Variants in PROSER3 observed in about 807,000 individuals in gnomAD.
PROSER3 encodes the protein proline and serine-rich protein 3.
PROSER3 carries 33 observed loss-of-function variants against 50.2 expected under a neutral mutation model. The ratio of observed to expected loss-of-function variants is 0.66; its 90% confidence interval spans 0.50 to 0.88. The LOEUF (loss-of-function observed/expected upper bound fraction) is 0.88. Among genes scored for constraint, PROSER3 ranks in the 40% least tolerant of loss-of-function variants. PROSER3 has a pLI of 0.00. For synonymous variants in PROSER3, 266 were observed against 259.3 expected, an observed-to-expected ratio of 1.03 and a Z score of -0.25; for missense variants, 623 against 612.7, an observed-to-expected ratio of 1.02 and a Z score of -0.18.
At chr19:35,763,748 C>T (rs549485393) in intron 5 of PROSER3, among the ~76,000 whole-genome samples, 113 of 151,220 alleles carry the variant, frequency 7.5e-4, no homozygotes, top group African/African-American at 2.4e-3. Context: ...CCTTGTGATC[C>T]ACCCACCTCG....
At chr19:35,762,830 A>C (rs1002124267) in intron 5 of PROSER3, 1 of 152,052 alleles carries the variant, frequency 6.6e-6, no homozygotes, top group African/African-American at 2.4e-5. Context: ...TCAGGAGTTC[A>C]GGACCAGCCT....
At chr19:35,758,179 G>A (rs1484133491) in exon 1 of PROSER3, 3 of 1,553,314 alleles carry the variant, frequency 1.9e-6, no homozygotes, top group Admixed American at 3.9e-5. Flanking sequence ...GTTGGGTGAA[G>A]GAGCAGAGCG....
At chr19:35,770,493 A>T (rs1971297561), downstream of PROSER3, among the ~76,000 whole-genome samples, 1 of 152,192 alleles carries the variant, frequency 6.6e-6, no homozygotes, top group Admixed American at 6.6e-5. Flanking sequence ...CAAGAGGCAG[A>T]GTCTATGTCC....
At chr19:35,764,067 C>T (rs1337911656) in intron 5 of PROSER3, among the ~76,000 whole-genome samples, 3 of 151,154 alleles carry the variant, frequency 2.0e-5, no homozygotes, top group African/African-American at 4.9e-5. Context: ...GGATTGCAGG[C>T]GTGAGCCACC....
rs545067902 is a variant in PROSER3, at chr19:35,762,442, C to T, written c.543+86C>T. On this transcript the variant is annotated intron_variant, in intron 5 of 10. Coordinates refer to ENST00000396908, the Ensembl canonical transcript of PROSER3. ...AGAATTAGAAGATCAGGAGCAGTGGCTCACACCTGTAATCCCAGCACTTTG... is the reference window on the plus strand; with the variant it reads ...AGAATTAGAAGATCAGGAGCAGTGGTTCACACCTGTAATCCCAGCACTTTG... The T allele has an allele frequency of 3.1e-5, 40 of 1,279,748 alleles. 1 individual carries two copies. In the South Asian group the frequency reaches 5.2e-4, roughly 17 times the overall value. 79.3% of individuals were successfully genotyped at this position (1,279,748 alleles called of 1,614,324 possible). A position where few individuals can be genotyped will look rare whatever the true frequency, so the allele number is the denominator to read the frequency against.
chr19:35,762,639 T>C (rs1970996985), intron 5 of PROSER3: 5 of 352,206 alleles, frequency 1.4e-5, no homozygotes, highest in African/African-American at 2.2e-5. Flanking sequence ...GGCTGGAGGA[T>C]GGCTTGAGCC....
chr19:35,769,216 T>TCTAC (rs2146644062), downstream of PROSER3: 1 of 152,288 alleles, frequency 6.6e-6, no homozygotes, highest in East Asian at 1.9e-4. Flanking sequence ...CATTACCATT[T>TCTAC]CTACCCAAGG....
downstream of PROSER3, among the ~76,000 whole-genome samples, chr19:35,770,141 G>T (rs946212919): frequency 3.6e-4 from 54 of 152,068 alleles, no homozygotes; most frequent in African/African-American, 1.3e-3. Context: ...ATGACCTCGT[G>T]ATCCTCCTGC....
At chr19:35,758,264 G>A in intron 1 of PROSER3, 38 bp downstream of exon 1, 1 of 1,556,670 alleles carries the variant, frequency 6.4e-7, no homozygotes, top group Non-Finnish European at 8.7e-7. Context: ...ACAGGAGGCT[G>A]GGGAGGACCA....
At chr19:35,765,055 C>T in exon 7 of PROSER3, 1 of 1,613,924 alleles carries the variant, frequency 6.2e-7, no homozygotes. Context: ...TCTCCTCCTC[C>T]TCCTCCCTCA....
At chr19:35,759,425 T>C (rs778339753) in exon 2 of PROSER3, 1 of 1,613,340 alleles carries the variant, frequency 6.2e-7, no homozygotes, top group South Asian at 1.1e-5. Context: ...CGCCCCTGGG[T>C]CGAAGCCACT....
intron 5 of PROSER3, among the ~76,000 whole-genome samples, chr19:35,763,253 G>A (rs1272428890): frequency 2.0e-5 from 3 of 151,390 alleles, no homozygotes; most frequent in Admixed American, 2.0e-4. Context: ...CCAGGCTGGG[G>A]TACAGTGGCG....
chr19:35,766,776 G>A, exon 8 of PROSER3: 2 of 1,548,046 alleles, frequency 1.3e-6, no homozygotes, highest in Non-Finnish European at 1.7e-6. Context: ...AGCATCCCCG[G>A]CACCAGCCCA....
chr19:35,762,730 TAAAA>T (rs35934536), intron 5 of PROSER3: 3 of 100,708 alleles, frequency 3.0e-5, no homozygotes, highest in Admixed American at 1.1e-4. Context: ...TGTCTCTATT[TAAAA>T]AAAAAAAAAA....
intron 1 of PROSER3, 93 bp from the exon 2 acceptor site, chr19:35,759,281 T>C (rs989468727): frequency 7.5e-6 from 7 of 939,286 alleles, no homozygotes; most frequent in African/African-American, 6.6e-5. Context: ...CAGGAATCTA[T>C]GGGAATTGTC....
At chr19:35,761,758 G>A (rs1970958426) in intron 3 of PROSER3, among the ~76,000 whole-genome samples, 1 of 152,122 alleles carries the variant, frequency 6.6e-6, no homozygotes, top group African/African-American at 2.4e-5. Context: ...CTACCCAGGA[G>A]GCTGAGGAGA....
At chr19:35,766,985 G>A in intron 8 of PROSER3, 30 bp downstream of exon 8, 5 of 1,531,698 alleles carry the variant, frequency 3.3e-6, no homozygotes, top group East Asian at 2.5e-5. Context: ...AGCCTGGGGG[G>A]AGCTGGAGGA....
chr19:35,765,185 T>C lies in PROSER3; in HGVS notation c.769+9T>C. On this transcript the variant is annotated intron_variant, in intron 7 of 10. Coordinates refer to ENST00000396908, the Ensembl canonical transcript of PROSER3. ...TGGCCCCAGGGCACCCGGTAAGGGC[T>C]GAGAGGCAAAGACTGAGGGCAGCCT... The C allele has an allele frequency of 6.2e-7, 1 of 1,612,248 alleles. No individual in the cohort carries two copies.
In PROSER3 at chr19:35,763,505, C is replaced by CTT. The variant is rs1314409508; in HGVS notation, c.543+1164_543+1165dup. On this transcript the variant is annotated intron_variant, in intron 5 of 10. Transcript: ENST00000396908. ...ATAGGCGTGAACCACCAAGCCCGGC[C>CTT]TTTTTTTTTTTTTTTTGAGACGGAG... Among the ~76,000 whole-genome samples the CTT allele has an allele frequency of 6.3e-3, 864 of 136,692 alleles. 18 individuals carry two copies. The highest frequency in any genetic ancestry group is 0.021 in the African/African-American group (761 of 36,382). The allele number at this position is 136,692 out of a possible 152,430, so 89.7% of individuals were successfully genotyped here. A position where few individuals can be genotyped will look rare whatever the true frequency, so the allele number is the denominator to read the frequency against.
Sources: allele counts gnomAD v4.1 joint callset (sites outside exome capture counted in the v4.1 genomes callset), GRCh38; gene constraint gnomAD v4.1.1; transcripts MANE v1.5; gene names NCBI Gene and HGNC (gene_info 2026-07-23, HGNC 2026-07-21).